PLEKHA7: variants seen among roughly 807,000 people sequenced by gnomAD.
PLEKHA7 encodes pleckstrin homology domain-containing family A member 7.
In PLEKHA7, 104 loss-of-function variants were observed where a neutral mutation model predicts 170.0. The ratio of observed to expected loss-of-function variants is 0.61; its 90% CI spans 0.52 to 0.72. The LOEUF (loss-of-function observed/expected upper bound fraction) is 0.72. PLEKHA7 is among the 30% of genes least tolerant of loss of function. The pLI, the probability that PLEKHA7 is intolerant of heterozygous loss-of-function variation, is 0.00. For synonymous variants in PLEKHA7, 648 were observed against 660.8 expected, an observed-to-expected ratio of 0.98 and a Z score of 0.30; for missense variants, 1,615 against 1,671.7, an observed-to-expected ratio of 0.97 and a Z score of 0.59.
chr11:16,871,880 G>C (rs191071770), intron 3 of PLEKHA7, among the ~76,000 whole-genome samples: 1 of 152,004 alleles, frequency 6.6e-6, no homozygotes, highest in East Asian at 1.9e-4. Flanking sequence ...GAGACTGTTG[G>C]TTTGCTCCAC....
chr11:16,850,242 C>T (rs1852814429), intron 8 of PLEKHA7, among the ~76,000 whole-genome samples: 1 of 152,182 alleles, frequency 6.6e-6, no homozygotes, highest in Non-Finnish European at 1.5e-5. Flanking sequence ...TCTTGTGCCT[C>T]CAACATGGAA....
intron 3 of PLEKHA7, among the ~76,000 whole-genome samples, chr11:16,997,297 G>C (rs10766369): frequency 0.96 from 145,514 of 152,286 alleles, 69,921 homozygotes; most frequent in East Asian, 1. Context: ...GGACAAGGAG[G>C]TGAGCAATGA....
At chr11:16,892,978 C>A (rs1856765788) in intron 3 of PLEKHA7, among the ~76,000 whole-genome samples, 1 of 152,130 alleles carries the variant, frequency 6.6e-6, no homozygotes, top group East Asian at 1.9e-4. Flanking sequence ...AAACAAGTTC[C>A]CTAGGGCCCC....
chr11:17,012,120 C>T (rs541753585), intron 3 of PLEKHA7, among the ~76,000 whole-genome samples: 97 of 152,316 alleles, frequency 6.4e-4, no homozygotes, highest in African/African-American at 2.2e-3. Flanking sequence ...CCTGCCTCCC[C>T]CTGCAGTGGC....
At chr11:16,871,568 C>A (rs937484286) in intron 3 of PLEKHA7, among the ~76,000 whole-genome samples, 3 of 152,166 alleles carry the variant, frequency 2.0e-5, no homozygotes, top group Non-Finnish European at 1.5e-5. Flanking sequence ...CTTAAGACAG[C>A]TTCCAAATCC....
chr11:16,919,531 C>CA (rs1171731190), intron 3 of PLEKHA7, among the ~76,000 whole-genome samples: 1 of 151,910 alleles, frequency 6.6e-6, no homozygotes, highest in Non-Finnish European at 1.5e-5. Context: ...AACACTTAGC[C>CA]AAGCATGGTA....
intron 3 of PLEKHA7, among the ~76,000 whole-genome samples, chr11:16,995,907 G>T (rs1225214874): frequency 1.3e-5 from 2 of 152,170 alleles, no homozygotes; most frequent in African/African-American, 4.8e-5. Context: ...AAACCTATCA[G>T]GATGTTCATT....
chr11:16,951,246 C>T (rs1861387717), intron 3 of PLEKHA7, among the ~76,000 whole-genome samples: 1 of 151,884 alleles, frequency 6.6e-6, no homozygotes, highest in African/African-American at 2.4e-5. Context: ...TCACCTTGCC[C>T]TTCAGCCTCC....
chr11:16,949,580 A>G (rs566888887), intron 3 of PLEKHA7, among the ~76,000 whole-genome samples: 1 of 152,298 alleles, frequency 6.6e-6, no homozygotes, highest in East Asian at 1.9e-4. Flanking sequence ...TAAGCAATTA[A>G]CTTATAACAA....
At chr11:17,013,945 C>T (rs1565209398) in intron 3 of PLEKHA7, 44 bp downstream of exon 3, 11 of 1,452,840 alleles carry the variant, frequency 7.6e-6, no homozygotes, top group Admixed American at 4.8e-5. Context: ...GAGGGACCCC[C>T]CCCCCGCGGC....
intron 3 of PLEKHA7, among the ~76,000 whole-genome samples, chr11:16,980,152 T>C (rs1863336348): frequency 6.6e-6 from 1 of 152,202 alleles, no homozygotes; most frequent in African/African-American, 2.4e-5. Flanking sequence ...CAGTCCAGCA[T>C]TGAGCCTAGA....
At chr11:16,851,326 G>T in intron 7 of PLEKHA7, 35 bp from the exon 8 acceptor site, 1 of 1,548,570 alleles carries the variant, frequency 6.5e-7, no homozygotes, top group Non-Finnish European at 8.8e-7. Flanking sequence ...ACAACCTTCT[G>T]GGCAGTTTCC....
chr11:16,821,808 T>C (rs891123847), intron 10 of PLEKHA7, among the ~76,000 whole-genome samples: 13 of 152,228 alleles, frequency 8.5e-5, no homozygotes, highest in African/African-American at 1.7e-4. Context: ...CACTTAAAGA[T>C]TGACAGCATT....
chr11:16,855,994 A>C, intron 4 of PLEKHA7, 80 bp from the exon 5 acceptor site: 1 of 1,247,106 alleles, frequency 8.0e-7, no homozygotes, highest in Non-Finnish European at 1.2e-6. Flanking sequence ...TCCAGGTAGG[A>C]ATCGGTTGTT....
intron 3 of PLEKHA7, among the ~76,000 whole-genome samples, chr11:16,903,543 G>A (rs1857468241): frequency 6.6e-6 from 1 of 152,104 alleles, no homozygotes; most frequent in Non-Finnish European, 1.5e-5. Flanking sequence ...CCAACACTCA[G>A]GGATTATGGA....
chr11:16,998,048 C>A (rs573757840), intron 3 of PLEKHA7, among the ~76,000 whole-genome samples: 14 of 152,328 alleles, frequency 9.2e-5, no homozygotes, highest in African/African-American at 3.1e-4. Flanking sequence ...CTCCCTGAGC[C>A]TCAGTTTCCC....
chr11:16,977,693 A>C (rs956701203), intron 3 of PLEKHA7, among the ~76,000 whole-genome samples: 1 of 152,076 alleles, frequency 6.6e-6, no homozygotes, highest in Non-Finnish European at 1.5e-5. Context: ...CCCAGTGCCA[A>C]ACCTGCTCAG....
At chr11:16,786,683 G>A in intron 23 of PLEKHA7, 4 of 985,414 alleles carry the variant, frequency 4.1e-6, no homozygotes, top group Non-Finnish European at 4.8e-6. Flanking sequence ...CTCCCAGAGA[G>A]GGTGACCTCC....
intron 3 of PLEKHA7, among the ~76,000 whole-genome samples, chr11:16,993,749 C>G (rs1048063579): frequency 2.0e-5 from 3 of 152,136 alleles, no homozygotes; most frequent in Non-Finnish European, 4.4e-5. Context: ...CTTTGGCAAG[C>G]CCTGTATATA....
Sources: allele counts gnomAD v4.1 joint callset (sites outside exome capture counted in the v4.1 genomes callset), GRCh38; gene constraint gnomAD v4.1.1; transcripts MANE v1.5; gene names NCBI Gene and HGNC (gene_info 2026-07-23, HGNC 2026-07-21).